Variants in TMEM132D observed in about 807,000 individuals in gnomAD.
TMEM132D encodes the protein transmembrane protein 132D.
A neutral mutation model predicts 62.3 loss-of-function variants in TMEM132D; 21 were observed. The observed-to-expected ratio is 0.34, with a 90% CI of 0.24 to 0.49. TMEM132D has a LOEUF of 0.49. TMEM132D is among the 20% of genes least tolerant of loss of function. TMEM132D has a pLI of 0.99. For synonymous variants in TMEM132D, 621 were observed against 575.6 expected, an observed-to-expected ratio of 1.08 and a Z score of -1.13; for missense variants, 1,346 against 1,402.8, an observed-to-expected ratio of 0.96 and a Z score of 0.65.
chr12:129,513,874 G>C (rs1011269898), intron 3 of TMEM132D, among the ~76,000 whole-genome samples: 1 of 148,012 alleles, frequency 6.8e-6, no homozygotes, highest in African/African-American at 2.5e-5. Context: ...GTCTCGCTCT[G>C]TCGCCCAGGC....
At chr12:129,603,071 A>G (rs996068883) in intron 2 of TMEM132D, among the ~76,000 whole-genome samples, 4 of 152,168 alleles carry the variant, frequency 2.6e-5, no homozygotes, top group South Asian at 2.1e-4. Context: ...GGGAACTACA[A>G]TTCAAGAAGA....
At chr12:129,799,628 G>A (rs921855852) in intron 1 of TMEM132D, among the ~76,000 whole-genome samples, 12 of 152,038 alleles carry the variant, frequency 7.9e-5, no homozygotes, top group East Asian at 1.9e-4. Context: ...CAGTTGGCCC[G>A]TCGGTCTCTC....
At chr12:129,551,925 A>T (rs1308545458) in intron 2 of TMEM132D, among the ~76,000 whole-genome samples, 1 of 152,224 alleles carries the variant, frequency 6.6e-6, no homozygotes, top group Non-Finnish European at 1.5e-5. Context: ...GGGGTGAGGG[A>T]TATATCACTG....
chr12:129,444,693 AAGAAGAC>A (rs755518795), intron 3 of TMEM132D, among the ~76,000 whole-genome samples: 5 of 152,166 alleles, frequency 3.3e-5, no homozygotes, highest in Non-Finnish European at 5.9e-5. Flanking sequence ...CACTTTTCCA[AAGAAGAC>A]ATACATGCAG....
chr12:129,606,082 C>T (rs1344114313), intron 2 of TMEM132D, among the ~76,000 whole-genome samples: 1 of 152,180 alleles, frequency 6.6e-6, no homozygotes, highest in Non-Finnish European at 1.5e-5. Context: ...ACAAAAAAGA[C>T]ACTTTCTCTG....
chr12:129,772,747 C>T (rs185364940), intron 1 of TMEM132D, among the ~76,000 whole-genome samples: 3 of 152,326 alleles, frequency 2.0e-5, no homozygotes, highest in South Asian at 4.1e-4. Context: ...TCTAAGCCAG[C>T]AGAGGCCCAG....
At chr12:129,733,297 G>A (rs574619983) in intron 1 of TMEM132D, among the ~76,000 whole-genome samples, 6 of 152,112 alleles carry the variant, frequency 3.9e-5, no homozygotes, top group Non-Finnish European at 8.8e-5. Flanking sequence ...TAGCCTGTAG[G>A]GTCAGTGCTA....
chr12:129,802,777 C>T lies in TMEM132D; in HGVS notation c.79+100484G>A, dbSNP rs966328186. On this transcript the variant is annotated intron_variant, in intron 1 of 8. Coordinates refer to ENST00000422113, the MANE Select transcript of TMEM132D (RefSeq NM_133448.3). Reference sequence around the variant, plus strand: ...TAAAGAGTCAAGACCCATCAGTGTGCTGTATTCAGGAAACCCATCTCACGT... The same window carrying T: ...TAAAGAGTCAAGACCCATCAGTGTGTTGTATTCAGGAAACCCATCTCACGT... 1.2e-3 allele frequency among the ~76,000 whole-genome samples: 181 copies of T among 151,556 alleles called. 2 individuals carry two copies. Among genetic ancestry groups the T allele is most frequent in the African/African-American group, 4.0e-3 (165 of 41,190 alleles).
chr12:129,142,060 G>C (rs1433056765), intron 5 of TMEM132D, among the ~76,000 whole-genome samples: 3 of 150,132 alleles, frequency 2.0e-5, no homozygotes, highest in Non-Finnish European at 4.4e-5. Flanking sequence ...CTGCATTCTA[G>C]ACTTTCAAAA....
intron 3 of TMEM132D, among the ~76,000 whole-genome samples, chr12:129,479,551 C>T (rs1005787704): frequency 6.6e-6 from 1 of 152,130 alleles, no homozygotes; most frequent in Non-Finnish European, 1.5e-5. Context: ...TGATAAAAAC[C>T]AATGCCTGTC....
rs181774855 is a variant in TMEM132D, at chr12:129,141,312, A to T, written c.1444-56610T>A. Among the ~76,000 whole-genome samples the T allele has an allele frequency of 1.8e-3, 275 of 152,278 alleles. 2 individuals carry two copies. Among genetic ancestry groups the T allele is most frequent in the African/African-American group, 5.9e-3 (246 of 41,568 alleles). On this transcript the variant is annotated intron_variant, in intron 5 of 8. Coordinates refer to ENST00000422113, the MANE Select transcript of TMEM132D (RefSeq NM_133448.3). ...GCCCTGTTTTAGACTTTGGGGACAC[A>T]ATTGTGAATTAGACCATGTGTCTAA...
intron 2 of TMEM132D, among the ~76,000 whole-genome samples, chr12:129,543,171 G>C (rs1436647709): frequency 8.6e-6 from 1 of 116,796 alleles, no homozygotes; most frequent in East Asian, 3.1e-4. Flanking sequence ...GGGTGGGTGG[G>C]TGGGTGGGTG....
In TMEM132D at chr12:129,513,643, C is replaced by T. The variant is rs1163654348; in HGVS notation, c.1115+17416G>A. Among the ~76,000 whole-genome samples, 8 of 150,338 alleles carry T rather than the reference C, an allele frequency of 5.3e-5. 1 individual carries two copies. Among genetic ancestry groups the T allele is most frequent in the Admixed American group, 4.7e-4 (7 of 15,046 alleles). On this transcript the variant is annotated intron_variant, in intron 3 of 8. Transcript: ENST00000422113. ...GGGACTACAGGCACCCACCACCACG[C>T]CCGGATAATTTTTTTGTATTTTTAG...
At chr12:129,831,597 T>G (rs1227597962) in intron 1 of TMEM132D, among the ~76,000 whole-genome samples, 1 of 152,074 alleles carries the variant, frequency 6.6e-6, no homozygotes, top group African/African-American at 2.4e-5. Flanking sequence ...GACCTAGCGG[T>G]TTTCTCTATT....
chr12:129,820,451 G>A (rs553039266), intron 1 of TMEM132D, among the ~76,000 whole-genome samples: 1 of 152,044 alleles, frequency 6.6e-6, no homozygotes, highest in Non-Finnish European at 1.5e-5. Flanking sequence ...CTCAGCGTGC[G>A]CATCCCCTCT....
At chr12:129,306,252 T>C (rs551411182) in intron 4 of TMEM132D, among the ~76,000 whole-genome samples, 2 of 152,182 alleles carry the variant, frequency 1.3e-5, no homozygotes, top group Non-Finnish European at 2.9e-5. Context: ...CCATGCAAAA[T>C]TAAGAAAGTT....
At chr12:129,365,584 G>A (rs1870380446) in intron 3 of TMEM132D, among the ~76,000 whole-genome samples, 1 of 152,132 alleles carries the variant, frequency 6.6e-6, no homozygotes, top group South Asian at 2.1e-4. Context: ...AACCAGGATG[G>A]AGCAGGGGGA....
At chr12:129,346,405 T>C (rs1458515564) in intron 3 of TMEM132D, among the ~76,000 whole-genome samples, 1 of 152,208 alleles carries the variant, frequency 6.6e-6, no homozygotes, top group Non-Finnish European at 1.5e-5. Context: ...TTCATTGATT[T>C]TTTTGAAGGG....
chr12:129,327,526 T>C (rs1347294325), intron 4 of TMEM132D, among the ~76,000 whole-genome samples: 1 of 152,246 alleles, frequency 6.6e-6, no homozygotes, highest in Non-Finnish European at 1.5e-5. Context: ...ATGGCTTAGA[T>C]TATAGAACGT....
Sources: gnomAD v4.1 joint callset for allele counts (sites outside exome capture counted in the v4.1 genomes callset) on GRCh38, gnomAD v4.1.1 for gene constraint, MANE v1.5 for transcripts, NCBI Gene and HGNC (gene_info 2026-07-23, HGNC 2026-07-21) for gene names.